GLYATL1: variants seen among roughly 807,000 people sequenced by gnomAD.
GLYATL1 encodes glycine-N-acyltransferase like 1, also known as glycine N-acyltransferase-like protein 1.
In GLYATL1, 15 loss-of-function variants were observed where a neutral mutation model predicts 20.0. That is an observed-to-expected ratio of 0.75 (90% CI 0.50 to 1.15). GLYATL1 has a LOEUF of 1.15. Among genes scored for constraint, GLYATL1 ranks in the 50% most tolerant of loss-of-function variants. The pLI is 0.00. For missense variants in GLYATL1, 380 were observed against 368.5 expected (o/e 1.03, Z -0.26); for synonymous variants, 151 against 131.5 (o/e 1.15, Z -1.01).
rs1857303767 is a variant in GLYATL1 at position 58,955,216 on chromosome 11, A to G, written c.354A>G (p.Thr118=). 2.5e-6 allele frequency: 4 copies of G among 1,613,944 alleles called. No individual in the cohort carries two copies. The highest frequency in any genetic ancestry group is 3.4e-6 in the Non-Finnish European group (4 of 1,179,992). Residue 118 remains threonine, a synonymous_variant, in exon 6 of 7, where the codon ACA becomes ACG. Transcript: ENST00000532726. The part of the protein sequence containing the change: ...ESLGEGIRVA[T]FSKSVKVEHS... ...TAGGTGAGGGGATAAGAGTGGCTAC[A>G]TTTTCAAAGTCAGTGAAAGTAGAGC...
intron 1 of GLYATL1, among the ~76,000 whole-genome samples, chr11:58,920,491 C>T (rs1466202454): frequency 2.0e-5 from 3 of 152,172 alleles, no homozygotes; most frequent in Non-Finnish European, 4.4e-5. Context: ...CCCCTCTTGG[C>T]GTACTCCCTC....
chr11:58,943,866 T>C (rs1265419762), intron 2 of GLYATL1, among the ~76,000 whole-genome samples, 200 bp downstream of exon 2: 7 of 152,172 alleles, frequency 4.6e-5, no homozygotes, highest in African/African-American at 1.7e-4. Context: ...AGAAAGGAAC[T>C]GGTAGTAAGC....
At chr11:58,917,662 C>T (rs1855207066) in intron 1 of GLYATL1, among the ~76,000 whole-genome samples, 1 of 152,248 alleles carries the variant, frequency 6.6e-6, no homozygotes, top group Non-Finnish European at 1.5e-5. Flanking sequence ...GGCCTGCCTA[C>T]TCAGGCATCT....
At chr11:58,910,471 G>T (rs1222452203), downstream of GLYATL1, among the ~76,000 whole-genome samples, 11 of 152,134 alleles carry the variant, frequency 7.2e-5, no homozygotes, top group Non-Finnish European at 2.9e-5. Context: ...ATTCTCATTT[G>T]CACTAATCAC....
chr11:58,931,144 T>C (rs945097640), intron 1 of GLYATL1, among the ~76,000 whole-genome samples: 1 of 152,182 alleles, frequency 6.6e-6, no homozygotes, highest in Non-Finnish European at 1.5e-5. Flanking sequence ...TTGGAACCTG[T>C]TGGTGCTGTG....
intron 2 of GLYATL1, 89 bp from the exon 3 acceptor site, chr11:58,946,957 C>T (rs1856607838): frequency 2.2e-6 from 2 of 909,792 alleles, no homozygotes; most frequent in African/African-American, 1.6e-5. Flanking sequence ...GTACCTACAT[C>T]ACGAGTGTTA....
chr11:58,912,453 C>G (rs149215816), downstream of GLYATL1, among the ~76,000 whole-genome samples: 736 of 152,274 alleles, frequency 4.8e-3, 9 homozygotes, highest in Non-Finnish European at 5.5e-3. Context: ...CCCTTGCTTC[C>G]TCCACACTCC....
intron 3 of GLYATL1, chr11:58,947,471 T>C (rs1313513280): frequency 4.2e-6 from 2 of 477,190 alleles, no homozygotes; most frequent in Non-Finnish European, 7.5e-6. Flanking sequence ...TCAGATGGCT[T>C]TGTGGATGTT....
At chr11:58,922,413 T>A (rs559616) in intron 1 of GLYATL1, among the ~76,000 whole-genome samples, 2 of 152,154 alleles carry the variant, frequency 1.3e-5, no homozygotes, top group African/African-American at 4.8e-5. Flanking sequence ...CCTCCCTGGA[T>A]GTGGCCATGC....
At chr11:58,925,278 A>G (rs1016856440), upstream of GLYATL1, among the ~76,000 whole-genome samples, 3 of 152,234 alleles carry the variant, frequency 2.0e-5, no homozygotes, top group Non-Finnish European at 4.4e-5. Flanking sequence ...AATTTAGCCA[A>G]TATGTTTACA....
chr11:58,931,282 A>G (rs951467235), intron 1 of GLYATL1, among the ~76,000 whole-genome samples: 100 of 152,234 alleles, frequency 6.6e-4, no homozygotes, highest in African/African-American at 2.3e-3. Context: ...TAAGGATATC[A>G]GGGGTATTGG....
At chr11:58,912,573 C>T (rs1356374671), downstream of GLYATL1, among the ~76,000 whole-genome samples, 1 of 152,232 alleles carries the variant, frequency 6.6e-6, no homozygotes, top group Non-Finnish European at 1.5e-5. Context: ...TTAGAGCCCT[C>T]TGAAAACTGG....
At chr11:58,932,862 G>A (rs1208067012) in intron 1 of GLYATL1, among the ~76,000 whole-genome samples, 1 of 152,194 alleles carries the variant, frequency 6.6e-6, no homozygotes, top group Non-Finnish European at 1.5e-5. Flanking sequence ...GAGAAAGGGA[G>A]ATAAGATGAA....
At chr11:58,947,824 C>A in intron 3 of GLYATL1, 34 bp from the exon 4 acceptor site, 1 of 1,437,770 alleles carries the variant, frequency 7.0e-7, no homozygotes, top group Non-Finnish European at 9.8e-7. Flanking sequence ...CTGGGGATCT[C>A]AACCTCTCCT....
At chr11:58,926,034 A>G (rs1259199519), upstream of GLYATL1, among the ~76,000 whole-genome samples, 1 of 152,220 alleles carries the variant, frequency 6.6e-6, no homozygotes, top group African/African-American at 2.4e-5. Context: ...GAGCATGTGC[A>G]TTAATTAAAT....
Position 58,956,280 on chromosome 11 carries a change from C to T in GLYATL1, c.*253C>T, listed in dbSNP as rs956763442. On this transcript the variant is annotated 3_prime_UTR_variant, in exon 7 of 7. Coordinates refer to ENST00000532726, the MANE Select transcript of GLYATL1 (RefSeq NM_001389712.2). ...AGGGAAAGACGGGGTTACCAGTAAA[C>T]ATGTAACTAGAAAGCCAGGCTCAGT... 14 of 457,938 alleles carry T rather than the reference C, an allele frequency of 3.1e-5. No individual in the cohort carries two copies. Among genetic ancestry groups the T allele is most frequent in the Non-Finnish European group, 5.0e-5 (13 of 259,134 alleles). The allele number at this position is 457,938 out of a possible 1,614,324, so 28.4% of individuals were successfully genotyped here. A position where few individuals can be genotyped will look rare whatever the true frequency, so the allele number is the denominator to read the frequency against.
At chr11:58,932,711 C>T (rs376277521) in intron 1 of GLYATL1, among the ~76,000 whole-genome samples, 1 of 152,298 alleles carries the variant, frequency 6.6e-6, no homozygotes, top group African/African-American at 2.4e-5. Context: ...ACAAATTCAG[C>T]TGGATGTGTT....
chr11:58,947,608 G>T (rs953917247), intron 3 of GLYATL1: 2 of 519,812 alleles, frequency 3.8e-6, no homozygotes, highest in Admixed American at 6.3e-5. Flanking sequence ...TAAGAGCATT[G>T]CCAAGTGCCC....
intron 1 of GLYATL1, among the ~76,000 whole-genome samples, chr11:58,915,156 C>G (rs1855141369): frequency 6.6e-6 from 1 of 152,156 alleles, no homozygotes. Context: ...CTATTCTTAC[C>G]AACAAAGCAT....
Sources: allele counts gnomAD v4.1 joint callset (sites outside exome capture counted in the v4.1 genomes callset), GRCh38; gene constraint gnomAD v4.1.1; transcripts MANE v1.5; gene names NCBI Gene and HGNC (gene_info 2026-07-23, HGNC 2026-07-21).